BTD: variants seen among roughly 807,000 people sequenced by gnomAD.
BTD encodes the protein biocytinase.
A neutral mutation model predicts 17.7 loss-of-function variants in BTD; 13 were observed. The observed-to-expected ratio is 0.74, with a 90% CI of 0.48 to 1.17. The LOEUF is 1.17. BTD is among the 50% of genes most tolerant of loss of function. The pLI, the probability that BTD is intolerant of heterozygous loss-of-function variation, is 0.00. For missense variants in BTD, 674 were observed against 650.4 expected (o/e 1.04, Z -0.39); for synonymous variants, 240 against 245.2 (o/e 0.98, Z 0.20).
At chr3:15,662,235 T>C (rs1438665926) in intron 3 of BTD, among the ~76,000 whole-genome samples, 4 of 152,374 alleles carry the variant, frequency 2.6e-5, no homozygotes, top group Non-Finnish European at 5.9e-5. Context: ...AAAAATAGTC[T>C]TTTTATTCAT....
chr3:15,616,581 A>G (rs1421839628), intron 1 of BTD, among the ~76,000 whole-genome samples: 1 of 151,548 alleles, frequency 6.6e-6, no homozygotes, highest in Admixed American at 6.6e-5. Context: ...GCACCATTGT[A>G]CTCCAGCATA....
intron 3 of BTD, among the ~76,000 whole-genome samples, chr3:15,661,400 C>T (rs1338304313): frequency 6.6e-6 from 1 of 151,876 alleles, no homozygotes; most frequent in Non-Finnish European, 1.5e-5. Context: ...TTTTGTTTCC[C>T]TGATGAGATG....
Position 15,651,831 on chromosome 3 carries a change from A to C in BTD, c.*6343A>C, listed in dbSNP as rs1014550649. 6.6e-6 allele frequency among the ~76,000 whole-genome samples: 1 copy of C among 152,186 alleles called. No homozygotes were observed. The highest frequency in any genetic ancestry group is 1.5e-5 in the Non-Finnish European group (1 of 68,032). On this transcript the variant is annotated 3_prime_UTR_variant, in exon 4 of 4. Coordinates refer to ENST00000643237, the MANE Select transcript of BTD (RefSeq NM_001370658.1). ...ATTCTGCAAGCTCATGGACCAGTTC[A>C]TTTGAGAAGAAATAGAGGAGTTAGG...
intron 1 of BTD, among the ~76,000 whole-genome samples, chr3:15,614,684 G>A (rs933308458): frequency 1.4e-5 from 2 of 146,224 alleles, no homozygotes; most frequent in Non-Finnish European, 3.0e-5. Context: ...TGCCACCTCC[G>A]CCTCTGAGCT....
At chr3:15,697,835 A>G (rs2069884605) in intron 3 of BTD, among the ~76,000 whole-genome samples, 2 of 152,210 alleles carry the variant, frequency 1.3e-5, no homozygotes, top group Admixed American at 1.3e-4. Flanking sequence ...CCTCTGGTAG[A>G]ATTCGGCTGT....
rs1306934321 is a variant in BTD, at chr3:15,648,756, G to GA, written c.*3269dup. Among the ~76,000 whole-genome samples, 1 of 152,194 alleles carries GA rather than the reference G, an allele frequency of 6.6e-6. No homozygotes were observed. The highest frequency in any genetic ancestry group is 1.5e-5 in the Non-Finnish European group (1 of 68,038). ...ATAGGGTCTTTGCAGATGCAATGAA[G>GA]ATATAAGTTAAAATGAGATCACACT... On this transcript the variant is annotated 3_prime_UTR_variant, in exon 4 of 4. Coordinates refer to ENST00000643237, the MANE Select transcript of BTD (RefSeq NM_001370658.1).
rs1388459581 is a variant in BTD, at chr3:15,649,865, A to T, written c.*4377A>T. On this transcript the variant is annotated 3_prime_UTR_variant, in exon 4 of 4. Transcript: ENST00000643237. ...TGAGCCATGCCTAGAGTAGCCACCTAGTAGTGAGTGACAGCTCTGTGCTGG... is the reference window on the plus strand; with the variant it reads ...TGAGCCATGCCTAGAGTAGCCACCTTGTAGTGAGTGACAGCTCTGTGCTGG... 6.6e-6 allele frequency among the ~76,000 whole-genome samples: 1 copy of T among 152,244 alleles called. No homozygotes were observed. Among genetic ancestry groups the T allele is most frequent in the Non-Finnish European group, 1.5e-5 (1 of 68,038 alleles).
chr3:15,698,866 T>G (rs1370121671), intron 3 of BTD, among the ~76,000 whole-genome samples: 2 of 152,208 alleles, frequency 1.3e-5, no homozygotes, highest in African/African-American at 4.8e-5. Context: ...CCAATGACTT[T>G]CTTCACAGAA....
intron 3 of BTD, chr3:15,684,235 T>C (rs2067857406): frequency 6.6e-6 from 1 of 152,232 alleles, no homozygotes; most frequent in Admixed American, 6.5e-5. Flanking sequence ...ATTAGTGGCA[T>C]TTCATAAGCC....
At chr3:15,639,530 A>G (rs1173247187) in intron 2 of BTD, among the ~76,000 whole-genome samples, 2 of 152,196 alleles carry the variant, frequency 1.3e-5, no homozygotes, top group Admixed American at 6.5e-5. Flanking sequence ...GTAATGTCCT[A>G]TAGGGCAAAA....
Position 15,635,511 on chromosome 3 carries a change from C to A in BTD, c.72C>A (p.Thr24=). The A allele has an allele frequency of 6.2e-7, 1 of 1,614,114 alleles. No homozygotes were observed. The highest frequency in any genetic ancestry group is 8.5e-7 in the Non-Finnish European group (1 of 1,180,012). The change falls in exon 2 of 4, where the codon ACC becomes ACA. Residue 24 remains threonine, a synonymous_variant. Coordinates refer to ENST00000643237, the MANE Select transcript of BTD (RefSeq NM_001370658.1). The surrounding 1 kb of genome is among the most constrained non-coding windows in gnomAD (Gnocchi z 4.1). ...ACGTGGTTGCCCTGGGAGCCCACAC[C>A]GGGGAGGAGAGCGTGGCTGACCATC... ...GCYVVALGAH[T]GEESVADHHE... is the part of the protein sequence containing the mutation.
exon 4 of BTD, among the ~76,000 whole-genome samples, chr3:15,710,203 T>A (rs1385209172): frequency 6.6e-6 from 1 of 152,194 alleles, no homozygotes; most frequent in African/African-American, 2.4e-5. Flanking sequence ...ATGAGTCCTG[T>A]CAGCTTTCCC....
downstream of BTD, among the ~76,000 whole-genome samples, chr3:15,714,351 A>G (rs2072716084): frequency 6.6e-6 from 1 of 152,080 alleles, no homozygotes; most frequent in Admixed American, 6.6e-5. Context: ...TGCTGAAGAA[A>G]TAACACAGTT....
At chr3:15,678,185 A>T in intron 3 of BTD, 3 of 1,588,358 alleles carry the variant, frequency 1.9e-6, no homozygotes, top group Non-Finnish European at 2.6e-6. Context: ...TTAGGAAAAT[A>T]CAATTTTAAA....
At chr3:15,668,905 T>C (rs1223140294) in intron 3 of BTD, 1 of 152,670 alleles carries the variant, frequency 6.6e-6, no homozygotes, top group Admixed American at 6.5e-5. Flanking sequence ...ACTTTACCCA[T>C]ACCTGTAAGA....
At chr3:15,709,751 TAC>T in intron 3 of BTD, 3 of 1,529,610 alleles carry the variant, frequency 2.0e-6, no homozygotes, top group African/African-American at 1.4e-5. Flanking sequence ...TGAGAGAAAA[TAC>T]AGTTAGAAAA....
downstream of BTD, among the ~76,000 whole-genome samples, chr3:15,716,150 T>G (rs567659067): frequency 6.6e-6 from 1 of 151,924 alleles, no homozygotes; most frequent in East Asian, 1.9e-4. Context: ...GCCCAGCTAA[T>G]TTTTGTATTT....
At chr3:15,712,019 G>C in exon 4 of BTD, 3 of 752,756 alleles carry the variant, frequency 4.0e-6, no homozygotes, top group Non-Finnish European at 6.7e-6. Flanking sequence ...TTCTAAAAGG[G>C]GTTATTAAAT....
chr3:15,693,206 C>T (rs13324504), intron 3 of BTD, among the ~76,000 whole-genome samples: 6,283 of 152,198 alleles, frequency 0.041, 420 homozygotes, highest in African/African-American at 0.14. Context: ...ATACTTAACA[C>T]TGCTGAACTG....
Sources: allele counts gnomAD v4.1 joint callset (sites outside exome capture counted in the v4.1 genomes callset), GRCh38; gene constraint gnomAD v4.1.1; non-coding constraint Gnocchi (gnomAD v3.1); transcripts MANE v1.5; gene names NCBI Gene and HGNC (gene_info 2026-07-23, HGNC 2026-07-21).